HECW1: variants seen among roughly 807,000 people sequenced by gnomAD.
The protein encoded by HECW1 is HECT, C2 and WW domain containing E3 ubiquitin protein ligase 1.
In HECW1, 61 loss-of-function variants were observed where a neutral mutation model predicts 182.3. The ratio of observed to expected loss-of-function variants is 0.33; its 90% CI spans 0.27 to 0.41. The LOEUF (loss-of-function observed/expected upper bound fraction) is 0.41. HECW1 is among the 10% of genes least tolerant of loss of function. HECW1 has a pLI of 1.00. For synonymous variants in HECW1, 859 were observed against 832.6 expected, an observed-to-expected ratio of 1.03 and a Z score of -0.55; for missense variants, 1,739 against 2,108.9, an observed-to-expected ratio of 0.82 and a Z score of 3.44.
At chr7:43,449,370 CAT>C (rs1319425534) in intron 11 of HECW1, among the ~76,000 whole-genome samples, 2 of 152,192 alleles carry the variant, frequency 1.3e-5, no homozygotes, top group Non-Finnish European at 2.9e-5. Flanking sequence ...ATTTGAGTAA[CAT>C]AGCAGAATTT....
intron 18 of HECW1, 144 bp downstream of exon 18, chr7:43,492,324 C>A: frequency 3.3e-6 from 2 of 608,478 alleles, no homozygotes; most frequent in Non-Finnish European, 2.9e-6. Flanking sequence ...GGATATAGTG[C>A]ACACCCCGAC....
At chr7:43,155,490 G>A (rs59351229) in intron 2 of HECW1, among the ~76,000 whole-genome samples, 1 of 152,088 alleles carries the variant, frequency 6.6e-6, no homozygotes, top group Non-Finnish European at 1.5e-5. Flanking sequence ...CATCTTATAA[G>A]GAAATTGAGT....
Position 43,383,106 on chromosome 7 carries a change from T to C in HECW1, c.556-13708T>C, listed in dbSNP as rs139267824. Among the ~76,000 whole-genome samples, 157 of 152,338 alleles carry C rather than the reference T, an allele frequency of 1.0e-3. 1 individual carries two copies. Among genetic ancestry groups the C allele is most frequent in the African/African-American group, 3.7e-3 (153 of 41,574 alleles). On this transcript the variant is annotated intron_variant, in intron 6 of 29. Coordinates refer to ENST00000395891, the MANE Select transcript of HECW1 (RefSeq NM_015052.5). ...TTCATCCACGTACCTGCAAAGGACA[T>C]GAACTCATTATTTTTTTATGGCAGC...
chr7:43,423,492 A>G (rs1286283248), intron 8 of HECW1, among the ~76,000 whole-genome samples: 1 of 152,212 alleles, frequency 6.6e-6, no homozygotes, highest in Non-Finnish European at 1.5e-5. Context: ...ACTGTTTGAT[A>G]TTCACTTGCC....
rs181843340 is a variant in HECW1, at chr7:43,199,102, C to G, written c.-31-44773C>G. Among the ~76,000 whole-genome samples the G allele has an allele frequency of 2.0e-5, 3 of 152,382 alleles. No homozygotes were observed. In the East Asian group the frequency reaches 5.8e-4, roughly 29 times the overall value. On this transcript the variant is annotated intron_variant, in intron 2 of 29. Transcript: ENST00000395891. ...CCTCCAGACCCTCATTGCACACTCT[C>G]TCTCTCCACGGTTTTCTCCAGGCAA...
chr7:43,192,925 A>G (rs113857414), intron 2 of HECW1, among the ~76,000 whole-genome samples: 5 of 152,342 alleles, frequency 3.3e-5, no homozygotes, highest in African/African-American at 1.2e-4. Context: ...AAGTCATAAA[A>G]GGGTGGCTAC....
In HECW1 at chr7:43,438,154, G is replaced by A. The variant is rs1161873955; in HGVS notation, c.944+9G>A. On this transcript the variant is annotated intron_variant, in intron 9 of 29. Transcript: ENST00000395891. Reference sequence around the variant, plus strand: ...GAGAGACACGCCATAGGGTAAACCTGTGACTGAGATCTTACTATCACTAGG... The same window carrying A: ...GAGAGACACGCCATAGGGTAAACCTATGACTGAGATCTTACTATCACTAGG... 6.2e-7 allele frequency: 1 copy of A among 1,609,752 alleles called. No homozygotes were observed. The highest frequency in any genetic ancestry group is 8.5e-7 in the Non-Finnish European group (1 of 1,177,106).
intron 2 of HECW1, among the ~76,000 whole-genome samples, chr7:43,122,375 AG>A (rs940270264): frequency 6.6e-6 from 1 of 152,176 alleles, no homozygotes; most frequent in Non-Finnish European, 1.5e-5. Context: ...CCAATATCTG[AG>A]GAGCTTCCTT....
At chr7:43,151,833 T>C (rs746759757) in intron 2 of HECW1, among the ~76,000 whole-genome samples, 10 of 152,154 alleles carry the variant, frequency 6.6e-5, no homozygotes, top group Admixed American at 4.6e-4. Context: ...TTTAAAGATA[T>C]ATAAGAGAAA....
chr7:43,417,486 G>T (rs1436869578), intron 8 of HECW1, among the ~76,000 whole-genome samples: 1 of 152,044 alleles, frequency 6.6e-6, no homozygotes, highest in Non-Finnish European at 1.5e-5. Flanking sequence ...TTTATTTAAT[G>T]TCCTGCAGAT....
At position 43,406,409 on chromosome 7, in the gene HECW1, G is replaced by A. The variant is rs118157450; in HGVS notation, c.632-1153G>A. Among the ~76,000 whole-genome samples the A allele has an allele frequency of 6.0e-3, 907 of 152,184 alleles. 7 individuals are homozygous for A. The highest frequency in any genetic ancestry group is 0.01 in the Non-Finnish European group (701 of 68,014). On this transcript the variant is annotated intron_variant, in intron 7 of 29. Transcript: ENST00000395891. ...GAGAGTAGGAATAATTTTATTAAGG[G>A]GATAACCTTGGATCAACTCAAAATA...
At position 43,444,313 on chromosome 7, in the gene HECW1, C is replaced by T. The variant is rs148732222; in HGVS notation, c.1141C>T (p.Arg381Trp). The T allele has an allele frequency of 6.2e-6, 10 of 1,614,068 alleles. No individual in the cohort carries two copies. Among genetic ancestry groups the T allele is most frequent in the Non-Finnish European group, 7.6e-6 (9 of 1,180,040 alleles). The part of the protein sequence containing the change: ...NLMESGSGEP[R>W]SEAPESSESW... ...GATGGAAAGCGGCAGTGGGGAACCTCGGTCTGAGGCACCAGAGTCCTCTGA... is the reference window on the plus strand; with the variant it reads ...GATGGAAAGCGGCAGTGGGGAACCTTGGTCTGAGGCACCAGAGTCCTCTGA... Residue 381 changes from arginine to tryptophan, a missense_variant, in exon 11 of 30, where the codon CGG becomes TGG. Arg to Trp is a moderately radical substitution (Grantham distance 101). This residue lies in a region of HECW1 where 971 missense variants were observed against 1,029.1 expected (regional missense o/e 0.94). Coordinates refer to ENST00000395891, the MANE Select transcript of HECW1 (RefSeq NM_015052.5). This position sits in a 1 kb window ranked among gnomAD's most constrained non-coding sequence, Gnocchi z 4.3.
intron 6 of HECW1, among the ~76,000 whole-genome samples, chr7:43,378,524 G>T (rs1258436141): frequency 1.3e-5 from 2 of 152,248 alleles, no homozygotes; most frequent in Non-Finnish European, 2.9e-5. Flanking sequence ...GGCACTTTCG[G>T]CCAGGCATGG....
intron 17 of HECW1, among the ~76,000 whole-genome samples, chr7:43,480,684 C>CATAT (rs33937309): frequency 0.15 from 21,406 of 146,614 alleles, 1,903 homozygotes; most frequent in South Asian, 0.25. Context: ...CATATATACG[C>CATAT]ATATATATAT....
chr7:43,424,278 G>A (rs1275375593), intron 8 of HECW1, among the ~76,000 whole-genome samples: 6 of 152,110 alleles, frequency 3.9e-5, no homozygotes, highest in Admixed American at 1.3e-4. Context: ...AGCTTTCTCA[G>A]CATTTTTCAG....
At chr7:43,127,304 A>G (rs1786356485) in intron 2 of HECW1, among the ~76,000 whole-genome samples, 1 of 152,106 alleles carries the variant, frequency 6.6e-6, no homozygotes, top group African/African-American at 2.4e-5. Flanking sequence ...CGGATAGATC[A>G]CCTGAGGTCA....
intron 8 of HECW1, among the ~76,000 whole-genome samples, chr7:43,426,332 GTC>G (rs2076362484): frequency 6.6e-6 from 1 of 152,168 alleles, no homozygotes; most frequent in Non-Finnish European, 1.5e-5. Flanking sequence ...CCAGGGAAAT[GTC>G]TTAGTAAAAA....
chr7:43,242,496 T>C lies in HECW1; in HGVS notation c.-31-1379T>C, dbSNP rs1457796389. On this transcript the variant is annotated intron_variant, in intron 2 of 29. Transcript: ENST00000395891. ...AGAGGAACCATGACTAAGGCTAGAC[T>C]TTTAAGGGAAGCTTGGGCATAGGAA... Among the ~76,000 whole-genome samples the C allele has an allele frequency of 2.0e-5, 3 of 152,294 alleles. No homozygotes were observed. The East Asian group carries it at 5.8e-4, about 29-fold the overall frequency.
At chr7:43,242,950 G>C (rs1202762046) in intron 2 of HECW1, among the ~76,000 whole-genome samples, 1 of 152,042 alleles carries the variant, frequency 6.6e-6, no homozygotes, top group African/African-American at 2.4e-5. Flanking sequence ...ATTCAGATCT[G>C]CTTGGACCAG....
Sources: gnomAD v4.1 joint callset for allele counts (sites outside exome capture counted in the v4.1 genomes callset) on GRCh38, gnomAD v4.1.1 for gene constraint, gnomAD v4.1.1 regional missense constraint, Gnocchi (gnomAD v3.1) non-coding constraint, MANE v1.5 for transcripts, NCBI Gene and HGNC (gene_info 2026-07-23, HGNC 2026-07-21) for gene names.